Variants in C6orf136 observed in about 807,000 individuals in gnomAD.
C6orf136 encodes uncharacterized protein C6orf136.
C6orf136 carries 29 observed loss-of-function variants against 44.0 expected under a neutral mutation model. The ratio of observed to expected loss-of-function variants is 0.66; its 90% CI spans 0.49 to 0.90. The LOEUF (loss-of-function observed/expected upper bound fraction) is 0.90. C6orf136 is among the 40% of genes least tolerant of loss of function. The probability of loss-of-function intolerance (pLI) is 0.00; values close to 1 mark genes in which losing one functional copy is unlikely to be tolerated. For missense variants in C6orf136, 628 were observed against 669.3 expected (o/e 0.94, Z 0.68); for synonymous variants, 293 against 278.6 (o/e 1.05, Z -0.52).
Position 30,647,350 on chromosome 6 carries a change from C to T in C6orf136, c.119C>T (p.Pro40Leu). ...GGGAGGAGAGGGGGCGGGGAGAGACCCTCCTCAAAGCCGGTGCGTGGGGCG... is the reference window on the plus strand; with the variant it reads ...GGGAGGAGAGGGGGCGGGGAGAGACTCTCCTCAAAGCCGGTGCGTGGGGCG... ...EGGRRGGGER[P>L]SSKPVRGAER... Residue 40 changes from proline (P) to leucine (L), a missense_variant, in exon 1 of 6, where the codon CCC (proline) becomes CTC (leucine). Physicochemically the swap from Pro to Leu is moderately conservative, Grantham distance 98. Around this residue, in one of 2 missense-constraint regions of C6orf136, gnomAD observed 497 missense variants for 469.2 expected, o/e 1.06. Coordinates refer to ENST00000651131, the MANE Select transcript of C6orf136 (RefSeq NM_001161376.2). This position sits in a 1 kb window ranked among gnomAD's most constrained non-coding sequence, Gnocchi z 4.8. 2.6e-6 allele frequency: 4 copies of T among 1,549,202 alleles called. 1 individual carries two copies. In the South Asian group the frequency reaches 4.9e-5, roughly 19 times the overall value.
chr6:30,650,952 C>T (rs372181238), intron 2 of C6orf136, 42 bp from the exon 3 acceptor site: 2 of 1,398,142 alleles, frequency 1.4e-6, no homozygotes, highest in South Asian at 1.2e-5. Flanking sequence ...ATAGGATTAT[C>T]TTTTCTTTCC....
chr6:30,650,258 G>A (rs1767278581), intron 2 of C6orf136, among the ~76,000 whole-genome samples: 4 of 151,588 alleles, frequency 2.6e-5, no homozygotes, highest in Admixed American at 1.3e-4. Context: ...GCCAGGCATG[G>A]TGGCAGACGC....
At chr6:30,651,117 G>A in intron 3 of C6orf136, 35 bp downstream of exon 3, 4 of 1,592,688 alleles carry the variant, frequency 2.5e-6, no homozygotes, top group Non-Finnish European at 3.4e-6. Flanking sequence ...CACTGGGGAG[G>A]AAAAGCACCC....
chr6:30,650,148 C>T (rs1767270097), intron 2 of C6orf136, among the ~76,000 whole-genome samples, 189 bp downstream of exon 2: 1 of 152,110 alleles, frequency 6.6e-6, no homozygotes, highest in East Asian at 1.9e-4. Context: ...AATCCCAGCA[C>T]TTTGGGAGGC....
In C6orf136 at chr6:30,651,441, A is replaced by C. The variant is rs1157664269; in HGVS notation, c.1282A>C (p.Lys428Gln). Reference sequence around the variant, plus strand: ...CCACTTGCTCTTTTTGCGGTTCTACAAGCGTGACAAAGACGAGCATTACCG... The same window carrying C: ...CCACTTGCTCTTTTTGCGGTTCTACCAGCGTGACAAAGACGAGCATTACCG... ...PVHLLFLRFY[K>Q]RDKDEHYRTY... The change falls in exon 4 of 6, where the codon AAG becomes CAG. Residue 428 changes from lysine to glutamine, a missense_variant. Coordinates refer to ENST00000651131, the MANE Select transcript of C6orf136 (RefSeq NM_001161376.2). 2 of 1,609,982 alleles carry C rather than the reference A, an allele frequency of 1.2e-6. No individual in the cohort carries two copies. Among genetic ancestry groups the C allele is most frequent in the Admixed American group, 1.7e-5 (1 of 60,004 alleles).
chr6:30,652,639 A>G lies in C6orf136; in HGVS notation c.1308-9A>G, dbSNP rs780676752. 2.3e-5 allele frequency: 37 copies of G among 1,612,490 alleles called. No individual in the cohort carries two copies. Among genetic ancestry groups the G allele is most frequent in the Admixed American group, 1.0e-4 (6 of 59,992 alleles). On this transcript the variant is annotated splice_polypyrimidine_tract_variant and intron_variant, in intron 4 of 5. Transcript: ENST00000651131. ...CTTCTCCCTCAGTAAGCCTCCCTCT[A>G]TTCCCCAGGACCTATGATGCCTACT...
chr6:30,649,866 C>A lies in C6orf136; in HGVS notation c.924C>A (p.Val308=), dbSNP rs369727355. The change falls in exon 2 of 6, where the codon GTC becomes GTA. Residue 308 remains valine, a synonymous_variant. Transcript: ENST00000651131. ...CTGGGGCTTGGATACCTTTCCAAGT[C>A]CCTGGAACTGCCCACCCTTCCCCTG... ...PYPGAWIPFQ[V]PGTAHPSPAT... 1 of 1,613,896 alleles carries A rather than the reference C, an allele frequency of 6.2e-7. No individual in the cohort carries two copies. Among genetic ancestry groups the A allele is most frequent in the African/African-American group, 1.3e-5 (1 of 74,882 alleles).
rs201042134 is a variant in C6orf136, at chr6:30,649,657, C to T, written c.715C>T (p.Pro239Ser). 5.0e-6 allele frequency: 8 copies of T among 1,607,316 alleles called. No individual in the cohort carries two copies. In the East Asian group the frequency reaches 1.6e-4, roughly 31 times the overall value. Residue 239 changes from proline (P) to serine (S), a missense_variant, in exon 2 of 6, where the codon CCA (proline) becomes TCA (serine). By Grantham distance (74) the Pro-to-Ser change is moderately conservative. This residue lies in a region of C6orf136 where 497 missense variants were observed against 469.2 expected (regional missense o/e 1.06). Coordinates refer to ENST00000651131, the MANE Select transcript of C6orf136 (RefSeq NM_001161376.2). ...TCCTCTATTCTGGTCTCCCCTGCCC[C>T]CACGCCTTCCCACCCAGCGTCTTCC... ...SSPLFWSPLP[P>S]RLPTQRLPQV...
chr6:30,653,167 AATTTT>A lies in C6orf136; in HGVS notation c.*257_*261del, dbSNP rs1767612863. 9 of 1,499,684 alleles carry A rather than the reference AATTTT, an allele frequency of 6.0e-6. No individual in the cohort carries two copies. Among genetic ancestry groups the A allele is most frequent in the Non-Finnish European group, 8.1e-6 (9 of 1,116,426 alleles). 92.9% of individuals were successfully genotyped at this position (1,499,684 alleles called of 1,614,324 possible). On this transcript the variant is annotated 3_prime_UTR_variant, in exon 6 of 6. Transcript: ENST00000651131. ...TTCCCACAAGCTTTATTCCAAAAAT[AATTTT>A]ATTTAATAGGTATTAAATAATGTAT...
chr6:30,652,738 G>A, intron 5 of C6orf136, 21 bp downstream of exon 5: 3 of 1,612,900 alleles, frequency 1.9e-6, no homozygotes, highest in Non-Finnish European at 2.5e-6. Flanking sequence ...GGTAGGGCTG[G>A]GTGGGGTAAA....
rs1287428010 is a variant in C6orf136, at chr6:30,647,652, G to A, written c.421G>A (p.Ala141Thr). The stretch of plus-strand genomic sequence containing the variant: ...CCGAGAGATTCGTAGCCCTGCTGCG[G>A]CGCCGTCCCGGAGTTCCCCGGCCCA... ...RGREIRSPAA[A>T]PSRSSPAQTR... Residue 141 changes from alanine to threonine, a missense_variant, in exon 1 of 6, where the codon GCG becomes ACG. Transcript: ENST00000651131. This position sits in a 1 kb window ranked among gnomAD's most constrained non-coding sequence, Gnocchi z 4.8. The A allele has an allele frequency of 6.5e-7, 1 of 1,549,888 alleles. No homozygotes were observed. The highest frequency in any genetic ancestry group is 1.4e-5 in the African/African-American group (1 of 73,012).
intron 4 of C6orf136, among the ~76,000 whole-genome samples, chr6:30,652,239 T>TCTCA (rs926608613): frequency 4.2e-5 from 6 of 142,720 alleles, no homozygotes; most frequent in Middle Eastern, 6.9e-3. Flanking sequence ...TGAAACCCTG[T>TCTCA]CACACACACA....
chr6:30,647,885 G>T lies in C6orf136; in HGVS notation c.615+39G>T. On this transcript the variant is annotated intron_variant, in intron 1 of 5. Coordinates refer to ENST00000651131, the MANE Select transcript of C6orf136 (RefSeq NM_001161376.2). The surrounding 1 kb of genome is among the most constrained non-coding windows in gnomAD (Gnocchi z 4.8). ...CCGCCCGCCTTCCCTGCAGTGAGAC[G>T]ATCCCCTGGGGGGTTCCTTGGGAGC... is the stretch of plus-strand genomic sequence containing the variant. The T allele has an allele frequency of 1.2e-5, 17 of 1,449,866 alleles. No individual in the cohort carries two copies. The highest frequency in any genetic ancestry group is 1.5e-5 in the Non-Finnish European group (16 of 1,103,268). 89.8% of individuals were successfully genotyped at this position (1,449,866 alleles called of 1,614,324 possible).
In C6orf136 at chr6:30,647,381, C is replaced by T. The variant is rs550423101; in HGVS notation, c.150C>T (p.Arg50=). Residue 50 remains arginine (R), a synonymous_variant, in exon 1 of 6, where the codon CGC becomes CGT. Coordinates refer to ENST00000651131, the MANE Select transcript of C6orf136 (RefSeq NM_001161376.2). This position sits in a 1 kb window ranked among gnomAD's most constrained non-coding sequence, Gnocchi z 4.8. ...CAAAGCCGGTGCGTGGGGCGGAGCG[C>T]GCGCTGGGTTCCGCGCAGGCGCAGA... ...PSSKPVRGAE[R]ALGSAQAQRH... 68 of 1,492,154 alleles carry T rather than the reference C, an allele frequency of 4.6e-5. No homozygotes were observed. In the East Asian group the frequency reaches 7.9e-4, roughly 17 times the overall value. 92.4% of individuals were successfully genotyped at this position (1,492,154 alleles called of 1,614,324 possible). A position where few individuals can be genotyped will look rare whatever the true frequency, so the allele number is the denominator to read the frequency against.
In C6orf136 at chr6:30,649,950, G is replaced by A; in HGVS notation, c.1008G>A (p.Leu336=). ...EEHLSVMYER[L]RQELPKLFLQ... is the part of the protein sequence containing the mutation. ...ATCTGTCTGTCATGTATGAGAGACT[G>A]AGACAAGAGGTAAGTCAGTGCAAAA... is the stretch of plus-strand genomic sequence containing the variant. The change falls in exon 2 of 6, where the codon CTG becomes CTA. Residue 336 remains leucine (L), a synonymous_variant. Coordinates refer to ENST00000651131, the MANE Select transcript of C6orf136 (RefSeq NM_001161376.2). 7 of 1,613,134 alleles carry A rather than the reference G, an allele frequency of 4.3e-6. No individual in the cohort carries two copies. Among genetic ancestry groups the A allele is most frequent in the Non-Finnish European group, 5.9e-6 (7 of 1,179,884 alleles).
In C6orf136 at chr6:30,649,815, T is replaced by C. The variant is rs765083369; in HGVS notation, c.873T>C (p.Leu291=). The part of the protein sequence containing the change: ...HSGCLDGLRS[L]FEGPPCPYPG... ...GCTGCCTGGATGGGCTTAGAAGCCT[T>C]TTTGAGGGACCTCCCTGCCCCTATC... Residue 291 remains leucine (L), a synonymous_variant, in exon 2 of 6, where the codon CTT becomes CTC. Transcript: ENST00000651131. 9.9e-6 allele frequency: 16 copies of C among 1,613,988 alleles called. No homozygotes were observed. The highest frequency in any genetic ancestry group is 1.3e-5 in the Non-Finnish European group (15 of 1,179,984).
At position 30,647,496 on chromosome 6, in the gene C6orf136, C is replaced by A. The variant is rs1255433741; in HGVS notation, c.265C>A (p.Arg89Ser). The A allele has an allele frequency of 1.3e-6, 2 of 1,494,686 alleles. No individual in the cohort carries two copies. The highest frequency in any genetic ancestry group is 1.8e-6 in the Non-Finnish European group (2 of 1,115,496). The allele number at this position is 1,494,686 out of a possible 1,614,324, so 92.6% of individuals were successfully genotyped here. A position where few individuals can be genotyped will look rare whatever the true frequency, so the allele number is the denominator to read the frequency against. The change falls in exon 1 of 6, where the codon CGC becomes AGC. Residue 89 changes from arginine (R) to serine (S), a missense_variant. Physicochemically the swap from Arg to Ser is moderately radical, Grantham distance 110. Coordinates refer to ENST00000651131, the MANE Select transcript of C6orf136 (RefSeq NM_001161376.2). The surrounding 1 kb of genome is among the most constrained non-coding windows in gnomAD (Gnocchi z 4.8). Reference protein sequence around the residue: ...GAGGRRCRACRARTSVLPGLR... With the variant: ...GAGGRRCRACSARTSVLPGLR... ...GGGAGGGAGGCGCTGCCGGGCCTGT[C>A]GCGCAAGGACGTCGGTCCTCCCAGG...
At chr6:30,652,236 C>T (rs1767488609) in intron 4 of C6orf136, among the ~76,000 whole-genome samples, 1 of 102,822 alleles carries the variant, frequency 9.7e-6, no homozygotes, top group Non-Finnish European at 1.9e-5. Flanking sequence ...GAGTGAAACC[C>T]TGTCACACAC....
chr6:30,647,323 G>C lies in C6orf136; in HGVS notation c.92G>C (p.Gly31Ala), dbSNP rs916120554. ...CCCCAGGTGAGCGGAGGAGAAGAGG[G>C]AGGGAGGAGAGGGGGCGGGGAGAGA... ...ARPQVSGGEEGGRRGGGERPS... is the reference protein window; with the variant it reads ...ARPQVSGGEEAGRRGGGERPS... The change falls in exon 1 of 6, where the codon GGA becomes GCA. Residue 31 changes from glycine (G) to alanine (A), a missense_variant. By Grantham distance (60) the Gly-to-Ala change is moderately conservative (BLOSUM62 0). Coordinates refer to ENST00000651131, the MANE Select transcript of C6orf136 (RefSeq NM_001161376.2). The surrounding 1 kb of genome is among the most constrained non-coding windows in gnomAD (Gnocchi z 4.8). 6.3e-7 allele frequency: 1 copy of C among 1,584,096 alleles called. No individual in the cohort carries two copies. The highest frequency in any genetic ancestry group is 1.4e-5 in the African/African-American group (1 of 72,396).
Sources: gnomAD v4.1 joint callset for allele counts (sites outside exome capture counted in the v4.1 genomes callset) on GRCh38, gnomAD v4.1.1 for gene constraint, gnomAD v4.1.1 regional missense constraint, Gnocchi (gnomAD v3.1) non-coding constraint, MANE v1.5 for transcripts, NCBI Gene and HGNC (gene_info 2026-07-23, HGNC 2026-07-21) for gene names.